The following SNX29 variants were observed in gnomAD, a reference collection of about 807,000 sequenced individuals.
SNX29 encodes the protein sorting nexin 29, also known as sorting nexin-29.
A neutral mutation model predicts 102.1 loss-of-function variants in SNX29; 78 were observed. The observed-to-expected ratio is 0.76, with a 90% CI of 0.64 to 0.92. The LOEUF (loss-of-function observed/expected upper bound fraction) is 0.92. Ranked by LOEUF, SNX29 falls within the 40% of genes least tolerant of loss-of-function variation. SNX29 has a pLI of 0.00. For synonymous variants in SNX29, 580 were observed against 414.5 expected (o/e 1.40, Z -4.85); for missense variants, 1,280 against 1,061.7 (o/e 1.21, Z -2.86).
Position 12,325,151 on chromosome 16 carries a change from C to A in SNX29, c.1783-31012C>A, listed in dbSNP as rs74008975. Among the ~76,000 whole-genome samples the A allele has an allele frequency of 9.4e-3, 1,427 of 152,288 alleles. 32 individuals carry two copies. The highest frequency in any genetic ancestry group is 0.032 in the African/African-American group (1,350 of 41,550). On this transcript the variant is annotated intron_variant, in intron 15 of 20. Coordinates refer to ENST00000566228, the MANE Select transcript of SNX29 (RefSeq NM_032167.5). ...ATCCCATCTCTACTTCTGCAGGCCC[C>A]TCCCTAATGGCAAGAAAGAATAGAA...
At chr16:12,030,283 G>T (rs1404930518) in intron 4 of SNX29, among the ~76,000 whole-genome samples, 1 of 152,124 alleles carries the variant, frequency 6.6e-6, no homozygotes, top group African/African-American at 2.4e-5. Context: ...AGTCATACCC[G>T]CAGCCCAGAG....
rs574229648 is a variant in SNX29, at chr16:12,219,936, ACACGTG to A, written c.1678+20264_1678+20269del. 1.5e-3 allele frequency among the ~76,000 whole-genome samples: 222 copies of A among 152,226 alleles called. 1 individual carries two copies. Among genetic ancestry groups the A allele is most frequent in the African/African-American group, 5.1e-3 (211 of 41,550 alleles). ...CCCCCCAGCGCACACACGTGTACAC[ACACGTG>A]CACGTGCACGCACACACACCCCACC... On this transcript the variant is annotated intron_variant, in intron 14 of 20. Coordinates refer to ENST00000566228, the MANE Select transcript of SNX29 (RefSeq NM_032167.5).
intron 3 of SNX29, among the ~76,000 whole-genome samples, chr16:12,026,511 C>T (rs1289827443): frequency 6.6e-6 from 1 of 152,188 alleles, no homozygotes; most frequent in Non-Finnish European, 1.5e-5. Flanking sequence ...CCCAGTTGGG[C>T]AGAGGCTCAG....
chr16:12,365,959 A>G (rs1038141650), intron 16 of SNX29, among the ~76,000 whole-genome samples: 4 of 144,942 alleles, frequency 2.8e-5, no homozygotes, highest in Admixed American at 1.4e-4. Context: ...GGACAATGGC[A>G]TGAACCCGGG....
At chr16:12,489,140 T>C (rs2088406044) in intron 19 of SNX29, among the ~76,000 whole-genome samples, 1 of 152,228 alleles carries the variant, frequency 6.6e-6, no homozygotes, top group Non-Finnish European at 1.5e-5. Flanking sequence ...ATTTCTTGGC[T>C]CTTACCCTTT....
At chr16:12,176,619 A>T (rs1357516963) in intron 13 of SNX29, among the ~76,000 whole-genome samples, 1 of 152,216 alleles carries the variant, frequency 6.6e-6, no homozygotes, top group Non-Finnish European at 1.5e-5. Context: ...TTTAAAGTCT[A>T]CCGGGGGATG....
intron 13 of SNX29, among the ~76,000 whole-genome samples, chr16:12,195,396 A>G (rs2076748260): frequency 6.6e-6 from 1 of 152,240 alleles, no homozygotes; most frequent in Non-Finnish European, 1.5e-5. Flanking sequence ...TCTTAGAAGT[A>G]GACTTGCTGG....
At chr16:12,521,992 C>T (rs888146886) in intron 19 of SNX29, among the ~76,000 whole-genome samples, 5 of 152,192 alleles carry the variant, frequency 3.3e-5, no homozygotes, top group Non-Finnish European at 7.3e-5. Context: ...GAAGGTCCCC[C>T]ACCGAGGCCG....
intron 7 of SNX29, among the ~76,000 whole-genome samples, chr16:12,050,938 C>T (rs1200759838): frequency 6.6e-6 from 1 of 151,410 alleles, no homozygotes; most frequent in Non-Finnish European, 1.5e-5. Flanking sequence ...CCAGGCTGGT[C>T]TTGAACTCCT....
At chr16:12,144,753 G>C (rs1597034685) in intron 13 of SNX29, among the ~76,000 whole-genome samples, 1 of 152,304 alleles carries the variant, frequency 6.6e-6, no homozygotes, top group East Asian at 1.9e-4. Context: ...ACGGAGTCTC[G>C]CTGTGTTACC....
intron 20 of SNX29, among the ~76,000 whole-genome samples, chr16:12,562,255 AAGC>A (rs2078767895): frequency 6.6e-6 from 1 of 152,152 alleles, no homozygotes; most frequent in African/African-American, 2.4e-5. Context: ...GGCATTCACT[AAGC>A]AGCATCCCCA....
chr16:12,207,024 C>T (rs1198845048), intron 14 of SNX29, among the ~76,000 whole-genome samples: 1 of 152,006 alleles, frequency 6.6e-6, no homozygotes, highest in Admixed American at 6.6e-5. Flanking sequence ...TTCTTGAATC[C>T]AGATTTAGCC....
chr16:12,215,578 T>A (rs929634741), intron 14 of SNX29, among the ~76,000 whole-genome samples: 1 of 152,112 alleles, frequency 6.6e-6, no homozygotes, highest in South Asian at 2.1e-4. Flanking sequence ...CTGGTCTTTT[T>A]AGTTCAAGAT....
chr16:12,553,871 TCTCA>T (rs1043042699), intron 20 of SNX29, among the ~76,000 whole-genome samples: 17 of 151,656 alleles, frequency 1.1e-4, no homozygotes, highest in African/African-American at 3.4e-4. Context: ...TCAGATGGAG[TCTCA>T]CTCTTTTGCC....
chr16:12,477,227 T>G (rs2087696796), intron 18 of SNX29, among the ~76,000 whole-genome samples: 1 of 152,218 alleles, frequency 6.6e-6, no homozygotes, highest in African/African-American at 2.4e-5. Context: ...GCCCCCTCCC[T>G]TCTTTCTGAA....
At chr16:12,388,657 C>CCA (rs1347005673) in intron 16 of SNX29, among the ~76,000 whole-genome samples, 16 of 152,334 alleles carry the variant, frequency 1.1e-4, no homozygotes, top group African/African-American at 3.8e-4. Context: ...ACATAACTGG[C>CCA]TGAGTGGGAC....
intron 15 of SNX29, among the ~76,000 whole-genome samples, chr16:12,351,146 A>C (rs907438495): frequency 6.6e-6 from 1 of 152,198 alleles, no homozygotes; most frequent in Non-Finnish European, 1.5e-5. Flanking sequence ...CCAGCCCTGC[A>C]GGGGGATTGT....
chr16:12,270,476 T>C (rs1381185187), intron 14 of SNX29, among the ~76,000 whole-genome samples: 2 of 152,134 alleles, frequency 1.3e-5, no homozygotes, highest in East Asian at 3.8e-4. Flanking sequence ...TGAAAGTAAA[T>C]CCGATGTTGT....
intron 20 of SNX29, among the ~76,000 whole-genome samples, chr16:12,536,683 G>C (rs906322757): frequency 6.6e-6 from 1 of 152,176 alleles, no homozygotes; most frequent in African/African-American, 2.4e-5. Flanking sequence ...CTGGTATTAA[G>C]AGGTGTTCAG....
Sources: gnomAD v4.1 joint callset for allele counts (sites outside exome capture counted in the v4.1 genomes callset) on GRCh38, gnomAD v4.1.1 for gene constraint, MANE v1.5 for transcripts, NCBI Gene and HGNC (gene_info 2026-07-23, HGNC 2026-07-21) for gene names.